Variants in NALF1 observed in about 807,000 individuals in gnomAD.
The protein encoded by NALF1 is NALCN channel auxiliary factor 1.
NALF1 carries 3 observed loss-of-function variants against 48.4 expected under a neutral mutation model. The ratio of observed to expected loss-of-function variants is 0.06; its 90% CI spans 0.03 to 0.16. The LOEUF (loss-of-function observed/expected upper bound fraction) is 0.16. NALF1 is among the 10% of genes least tolerant of loss of function. The probability of loss-of-function intolerance (pLI) is 1.00; values close to 1 mark genes in which losing one functional copy is unlikely to be tolerated. For missense variants in NALF1, 526 were observed against 571.5 expected (o/e 0.92, Z 0.81); for synonymous variants, 262 against 245.7 (o/e 1.07, Z -0.62).
intron 1 of NALF1, among the ~76,000 whole-genome samples, chr13:107,390,302 G>C (rs1362822021): frequency 6.6e-6 from 1 of 151,068 alleles, no homozygotes; most frequent in Admixed American, 6.6e-5. Context: ...CCAAGATCAC[G>C]CCACTGCACT....
Position 107,810,030 on chromosome 13 carries a change from C to T in NALF1, c.915+55652G>A, listed in dbSNP as rs117253410. On this transcript the variant is annotated intron_variant, in intron 1 of 2. Transcript: ENST00000375915. ...CCTTGATTTATGCATATCCTAGGACCGCATCATACTACTATTTCATCTAGC... is the reference window on the plus strand; with the variant it reads ...CCTTGATTTATGCATATCCTAGGACTGCATCATACTACTATTTCATCTAGC... 5.9e-5 allele frequency among the ~76,000 whole-genome samples: 9 copies of T among 152,006 alleles called. No individual in the cohort carries two copies. In the East Asian group the frequency reaches 1.7e-3, roughly 29 times the overall value.
At chr13:107,173,230 A>C (rs1306438887) in intron 2 of NALF1, among the ~76,000 whole-genome samples, 1 of 152,182 alleles carries the variant, frequency 6.6e-6, no homozygotes, top group African/African-American at 2.4e-5. Context: ...GATTCCCCTC[A>C]GGAAGTGTGG....
intron 1 of NALF1, among the ~76,000 whole-genome samples, chr13:107,403,719 ATT>A (rs201044065): frequency 2.2e-4 from 21 of 94,004 alleles, no homozygotes; most frequent in African/African-American, 6.4e-4. Context: ...TTTGCCACAA[ATT>A]TTAAAAAAAA....
At chr13:107,531,664 T>C (rs766089511) in intron 1 of NALF1, among the ~76,000 whole-genome samples, 9 of 152,116 alleles carry the variant, frequency 5.9e-5, no homozygotes, top group Non-Finnish European at 1.3e-4. Flanking sequence ...CATTAAATGT[T>C]TGTATTTTTT....
intron 1 of NALF1, among the ~76,000 whole-genome samples, chr13:107,219,900 T>C (rs1044268779): frequency 1.3e-5 from 2 of 152,216 alleles, no homozygotes; most frequent in African/African-American, 2.4e-5. Context: ...CTATAGTTAG[T>C]TATCTAAGAA....
At chr13:107,211,712 A>G (rs1879765500) in intron 1 of NALF1, among the ~76,000 whole-genome samples, 1 of 152,188 alleles carries the variant, frequency 6.6e-6, no homozygotes, top group African/African-American at 2.4e-5. Flanking sequence ...GGTTAATATT[A>G]TCCAAGTAAC....
At chr13:107,569,709 T>C (rs1877929480) in intron 1 of NALF1, among the ~76,000 whole-genome samples, 1 of 152,204 alleles carries the variant, frequency 6.6e-6, no homozygotes, top group Non-Finnish European at 1.5e-5. Flanking sequence ...CAAAATTGTC[T>C]TGAATATTCT....
chr13:107,552,481 G>T (rs1296580712), intron 1 of NALF1, among the ~76,000 whole-genome samples: 1 of 152,120 alleles, frequency 6.6e-6, no homozygotes, highest in African/African-American at 2.4e-5. Context: ...GGAGAATGTG[G>T]TGATTTTAAA....
Position 107,655,916 on chromosome 13 carries a change from AC to A in NALF1, c.915+209765del, listed in dbSNP as rs1224616736. 2.0e-5 allele frequency among the ~76,000 whole-genome samples: 3 copies of A among 152,078 alleles called. No homozygotes were observed. The East Asian group carries it at 5.8e-4, about 29-fold the overall frequency. ...CAAAAACATAAAGTGGGGAAAGGAC[AC>A]CCTATTCAACAAATGGTCCTCGGAT... On this transcript the variant is annotated intron_variant, in intron 1 of 2. Coordinates refer to ENST00000375915, the MANE Select transcript of NALF1 (RefSeq NM_001080396.3).
Position 107,644,657 on chromosome 13 carries a change from A to ATATATATATATATG in NALF1, c.915+221024_915+221025insCATATATATATATA, listed in dbSNP as rs879682183. On this transcript the variant is annotated intron_variant, in intron 1 of 2. Transcript: ENST00000375915. Reference sequence around the variant, plus strand: ...TACATACATACATACATATATATATATATATATATGCTTTCACTTAAGTTG... The same window carrying ATATATATATATATG: ...TACATACATACATACATATATATATATATATATATATATGTATATATATGCTTTCACTTAAGTTG... Among the ~76,000 whole-genome samples, 1,090 of 137,714 alleles carry ATATATATATATATG rather than the reference A, an allele frequency of 7.9e-3. 23 individuals are homozygous for ATATATATATATATG. The highest frequency in any genetic ancestry group is 0.018 in the South Asian group (79 of 4,284). 90.3% of individuals were successfully genotyped at this position (137,714 alleles called of 152,430 possible).
intron 1 of NALF1, among the ~76,000 whole-genome samples, chr13:107,705,941 AAGAGAG>A (rs146858941): frequency 2.0e-5 from 3 of 151,118 alleles, no homozygotes; most frequent in South Asian, 2.1e-4. Flanking sequence ...GCAGATATTT[AAGAGAG>A]AGAGAGAGAG....
intron 1 of NALF1, among the ~76,000 whole-genome samples, chr13:107,677,778 C>T (rs7981467): frequency 0.51 from 77,119 of 151,824 alleles, 20,427 homozygotes; most frequent in African/African-American, 0.62. Context: ...CTATAGTCTG[C>T]GATTATACTG....
At chr13:107,257,202 C>T (rs1178098433) in intron 1 of NALF1, among the ~76,000 whole-genome samples, 1 of 152,154 alleles carries the variant, frequency 6.6e-6, no homozygotes, top group East Asian at 1.9e-4. Context: ...AGTCACCTCC[C>T]TCCCTTGACA....
At chr13:107,190,232 T>C (rs902299958) in intron 2 of NALF1, among the ~76,000 whole-genome samples, 9 of 152,194 alleles carry the variant, frequency 5.9e-5, no homozygotes, top group African/African-American at 2.2e-4. Context: ...TAGGTTGTAA[T>C]TGAAGAGACA....
chr13:107,638,201 A>ATATATATATGTATG (rs372122331), intron 1 of NALF1, among the ~76,000 whole-genome samples: 2,228 of 110,834 alleles, frequency 0.02, 186 homozygotes, highest in South Asian at 0.069. Context: ...ATATATATAT[A>ATATATATATGTATG]TATATAATTT....
chr13:107,530,844 C>A (rs1421589110), intron 1 of NALF1, among the ~76,000 whole-genome samples: 1 of 152,046 alleles, frequency 6.6e-6, no homozygotes, highest in Non-Finnish European at 1.5e-5. Flanking sequence ...TTTCACCATT[C>A]TCCTTATAAA....
chr13:107,361,357 A>G (rs540246142), intron 1 of NALF1, among the ~76,000 whole-genome samples: 1 of 152,320 alleles, frequency 6.6e-6, no homozygotes, highest in Non-Finnish European at 1.5e-5. Flanking sequence ...AGTAAGTAAC[A>G]GGTAACTGGA....
intron 1 of NALF1, among the ~76,000 whole-genome samples, chr13:107,310,915 C>A (rs770710525): frequency 1.3e-5 from 2 of 152,102 alleles, no homozygotes; most frequent in Non-Finnish European, 2.9e-5. Context: ...CCCACCTTGG[C>A]CTCCCAAAGT....
At chr13:107,801,954 G>A (rs189493749) in intron 1 of NALF1, among the ~76,000 whole-genome samples, 5 of 152,196 alleles carry the variant, frequency 3.3e-5, no homozygotes, top group Admixed American at 2.6e-4. Flanking sequence ...TGTATCAGCA[G>A]TTTAAGGAAC....
Sources: allele counts gnomAD v4.1 joint callset (sites outside exome capture counted in the v4.1 genomes callset), GRCh38; gene constraint gnomAD v4.1.1; transcripts MANE v1.5; gene names NCBI Gene and HGNC (gene_info 2026-07-23, HGNC 2026-07-21).